FNDC3B: variants seen among roughly 807,000 people sequenced by gnomAD.
FNDC3B encodes fibronectin type III domain-containing protein 3B.
A neutral mutation model predicts 151.5 loss-of-function variants in FNDC3B; 12 were observed. That is an observed-to-expected ratio of 0.08 (90% CI 0.05 to 0.13). The LOEUF (loss-of-function observed/expected upper bound fraction) is 0.13, where lower values mean the gene tolerates loss of function less well. Among genes scored for constraint, FNDC3B ranks in the 10% least tolerant of loss-of-function variants. The probability of loss-of-function intolerance (pLI) is 1.00; values close to 1 mark genes in which losing one functional copy is unlikely to be tolerated. For missense variants in FNDC3B, 1,214 were observed against 1,505.3 expected, an observed-to-expected ratio of 0.81 and a Z score of 3.20; for synonymous variants, 528 against 549.0, an observed-to-expected ratio of 0.96 and a Z score of 0.54.
At chr3:172,232,931 A>G (rs1287032178) in intron 4 of FNDC3B, among the ~76,000 whole-genome samples, 1 of 152,240 alleles carries the variant, frequency 6.6e-6, no homozygotes, top group East Asian at 1.9e-4. Flanking sequence ...AGCTACTACA[A>G]TGAAAAAGAC....
At chr3:172,369,056 C>T (rs1216163554) in intron 23 of FNDC3B, among the ~76,000 whole-genome samples, 1 of 152,094 alleles carries the variant, frequency 6.6e-6, no homozygotes, top group East Asian at 1.9e-4. Flanking sequence ...AGGAGCATAA[C>T]AATTTAGCCT....
At chr3:172,124,382 C>T (rs1013250085) in intron 2 of FNDC3B, among the ~76,000 whole-genome samples, 14 of 152,354 alleles carry the variant, frequency 9.2e-5, no homozygotes, top group East Asian at 1.9e-4. Flanking sequence ...TGAGCCACCA[C>T]GCCTGGGCCA....
chr3:172,091,397 G>C (rs1329363373), intron 1 of FNDC3B, among the ~76,000 whole-genome samples: 1 of 152,138 alleles, frequency 6.6e-6, no homozygotes, highest in Non-Finnish European at 1.5e-5. Flanking sequence ...AATGTGAATA[G>C]AGGCAGTACA....
At chr3:172,354,245 T>G (rs544068679) in intron 22 of FNDC3B, among the ~76,000 whole-genome samples, 1 of 151,916 alleles carries the variant, frequency 6.6e-6, no homozygotes, top group East Asian at 1.9e-4. Flanking sequence ...AGAAAAAAAT[T>G]TCAAATATGA....
intron 2 of FNDC3B, among the ~76,000 whole-genome samples, chr3:172,115,611 C>A (rs771629418): frequency 8.6e-4 from 131 of 152,272 alleles, no homozygotes; most frequent in Non-Finnish European, 1.6e-3. Flanking sequence ...TGAAGCAACA[C>A]CTTTTCATCT....
rs1731253905 is a variant in FNDC3B at position 172,307,442 on chromosome 3, T to C, written c.1141T>C (p.Cys381Arg). 1.2e-6 allele frequency: 2 copies of C among 1,613,938 alleles called. No individual in the cohort carries two copies. The highest frequency in any genetic ancestry group is 1.7e-5 in the Admixed American group (1 of 59,994). Residue 381 changes from cysteine to arginine, a missense_variant, in exon 10 of 26, where the codon TGT (cysteine) becomes CGT (arginine). This residue lies in a region of FNDC3B where 156 missense variants were observed against 225.3 expected (regional missense o/e 0.69). Coordinates refer to ENST00000415807, the MANE Select transcript of FNDC3B (RefSeq NM_022763.4). ...CACCACCCACAGCTGTGCACCCGAG[T>C]GTCCTTTCCCCCCTAAGCTGGCACA... Reference protein sequence around the residue: ...SFTTHSCAPECPFPPKLAHRS... With the variant: ...SFTTHSCAPERPFPPKLAHRS...
intron 3 of FNDC3B, among the ~76,000 whole-genome samples, chr3:172,150,171 T>C (rs1204438376): frequency 2.6e-5 from 4 of 152,120 alleles, no homozygotes; most frequent in African/African-American, 9.7e-5. Flanking sequence ...TTTGAATAGC[T>C]AGAGATTTTT....
At chr3:172,122,928 C>G (rs1720622727) in intron 2 of FNDC3B, among the ~76,000 whole-genome samples, 1 of 152,174 alleles carries the variant, frequency 6.6e-6, no homozygotes, top group African/African-American at 2.4e-5. Flanking sequence ...GGTTCCATTT[C>G]TGTTGTTTAA....
chr3:172,288,125 T>C (rs766648282), intron 7 of FNDC3B, among the ~76,000 whole-genome samples: 16 of 152,240 alleles, frequency 1.1e-4, no homozygotes, highest in Non-Finnish European at 2.2e-4. Context: ...TTTGACTTCC[T>C]TGTTGCCAAC....
At chr3:172,138,535 AAAG>A (rs1721478483) in intron 3 of FNDC3B, among the ~76,000 whole-genome samples, 1 of 152,248 alleles carries the variant, frequency 6.6e-6, no homozygotes, top group African/African-American at 2.4e-5. Flanking sequence ...TTTAAATTCT[AAAG>A]AACTTTTACA....
intron 6 of FNDC3B, among the ~76,000 whole-genome samples, chr3:172,269,654 T>C (rs966381700): frequency 4.6e-5 from 7 of 152,110 alleles, no homozygotes; most frequent in African/African-American, 1.4e-4. Context: ...TGTTTTGTTT[T>C]GTTTTTTGGA....
intron 10 of FNDC3B, among the ~76,000 whole-genome samples, chr3:172,307,741 T>C (rs555240009): frequency 6.6e-6 from 1 of 152,292 alleles, no homozygotes. Context: ...TTAGCACGAC[T>C]CCAGTCTTGT....
intron 3 of FNDC3B, among the ~76,000 whole-genome samples, chr3:172,167,658 C>G (rs576453716): frequency 6.6e-6 from 1 of 152,292 alleles, no homozygotes; most frequent in East Asian, 1.9e-4. Context: ...TGGATGGTAC[C>G]TGTCTGTGGC....
intron 7 of FNDC3B, among the ~76,000 whole-genome samples, chr3:172,290,318 T>C (rs984825982): frequency 6.6e-6 from 1 of 152,204 alleles, no homozygotes; most frequent in Non-Finnish European, 1.5e-5. Flanking sequence ...CTTAGTTTCA[T>C]TTAAATTTTA....
chr3:172,251,502 G>A lies in FNDC3B; in HGVS notation c.751G>A (p.Ala251Thr). ...GPGIKKTERR[A>T]RSSPKSNDSD... is the part of the protein sequence containing the mutation. ...CGGAATTAAGAAAACAGAGCGACGA[G>A]CAAGAAGCAGCCCAAAGTCGAATGA... The change falls in exon 6 of 26, where the codon GCA (alanine) becomes ACA (threonine). Residue 251 changes from alanine (A) to threonine (T), a missense_variant. Around this residue, in one of 7 missense-constraint regions of FNDC3B, gnomAD observed 166 missense variants for 173.2 expected, o/e 0.96. Coordinates refer to ENST00000415807, the MANE Select transcript of FNDC3B (RefSeq NM_022763.4). 1.2e-6 allele frequency: 2 copies of A among 1,613,896 alleles called. No individual in the cohort carries two copies. The highest frequency in any genetic ancestry group is 8.5e-7 in the Non-Finnish European group (1 of 1,179,924).
chr3:172,140,656 G>A (rs1385888267), intron 3 of FNDC3B, among the ~76,000 whole-genome samples: 1 of 152,220 alleles, frequency 6.6e-6, no homozygotes, highest in East Asian at 1.9e-4. Context: ...GTTATGGAAG[G>A]AATGAGAGCA....
At chr3:172,166,328 G>A (rs1011669372) in intron 3 of FNDC3B, among the ~76,000 whole-genome samples, 2 of 152,146 alleles carry the variant, frequency 1.3e-5, no homozygotes, top group Non-Finnish European at 2.9e-5. Flanking sequence ...ATTTTTTGTG[G>A]AATTACTTAA....
chr3:172,281,063 G>C (rs552125414), intron 6 of FNDC3B, among the ~76,000 whole-genome samples: 1 of 100,540 alleles, frequency 9.9e-6, no homozygotes, highest in East Asian at 2.6e-4. Context: ...TTCCAGATAG[G>C]CTGGTTCTCA....
chr3:172,042,677 T>A (rs1716145728), intron 1 of FNDC3B, among the ~76,000 whole-genome samples: 1 of 152,284 alleles, frequency 6.6e-6, no homozygotes, highest in South Asian at 2.1e-4. Flanking sequence ...GAGAGTAACT[T>A]GCATAAGATC....
Sources: allele counts gnomAD v4.1 joint callset (sites outside exome capture counted in the v4.1 genomes callset), GRCh38; gene constraint gnomAD v4.1.1; regional missense constraint gnomAD v4.1.1; transcripts MANE v1.5; gene names NCBI Gene and HGNC (gene_info 2026-07-23, HGNC 2026-07-21).